The following ITGB3BP variants were observed in gnomAD, a reference collection of about 807,000 sequenced individuals.
ITGB3BP encodes the protein centromere protein R.
In ITGB3BP, 27 loss-of-function variants were observed where a neutral mutation model predicts 29.1. The ratio of observed to expected loss-of-function variants is 0.93; its 90% CI spans 0.68 to 1.28. The LOEUF is 1.28. Ranked by LOEUF, ITGB3BP falls within the 50% of genes most tolerant of loss-of-function variation. ITGB3BP has a pLI of 0.00. For synonymous variants in ITGB3BP, 61 were observed against 61.4 expected, an observed-to-expected ratio of 0.99 and a Z score of 0.03; for missense variants, 192 against 200.2, an observed-to-expected ratio of 0.96 and a Z score of 0.25.
intron 2 of ITGB3BP, among the ~76,000 whole-genome samples, chr1:63,491,677 T>A (rs761686597): frequency 2.6e-5 from 4 of 151,930 alleles, no homozygotes; most frequent in East Asian, 1.9e-4. Context: ...TCAAAAAAAA[T>A]TTTTTTACAG....
intron 2 of ITGB3BP, among the ~76,000 whole-genome samples, chr1:63,494,893 C>G (rs942960966): frequency 1.1e-4 from 16 of 152,192 alleles, no homozygotes; most frequent in Admixed American, 1.0e-3. Context: ...GCCTTGAACT[C>G]CTGGGCTCAA....
At chr1:63,448,229 A>G (rs1404606631) in intron 7 of ITGB3BP, among the ~76,000 whole-genome samples, 1 of 149,028 alleles carries the variant, frequency 6.7e-6, no homozygotes, top group African/African-American at 2.5e-5. Flanking sequence ...ACCTAATGCT[A>G]AATGACGAGT....
At chr1:63,477,553 C>T (rs1231401462) in intron 4 of ITGB3BP, among the ~76,000 whole-genome samples, 2 of 151,870 alleles carry the variant, frequency 1.3e-5, no homozygotes, top group Non-Finnish European at 2.9e-5. Context: ...ACTCCGTCTC[C>T]GAAAAAATAC....
intron 2 of ITGB3BP, among the ~76,000 whole-genome samples, chr1:63,496,232 A>G (rs1645785179): frequency 6.6e-6 from 1 of 152,014 alleles, no homozygotes; most frequent in Non-Finnish European, 1.5e-5. Context: ...AATTGGGACG[A>G]CAGGTGCGCA....
At chr1:63,523,761 T>G (rs1174299239), upstream of ITGB3BP, 2 of 153,420 alleles carry the variant, frequency 1.3e-5, no homozygotes, top group Non-Finnish European at 2.9e-5. Context: ...ACCTAAAATG[T>G]ACATGTAAAT....
At chr1:63,447,535 A>G in intron 7 of ITGB3BP, 2 of 469,714 alleles carry the variant, frequency 4.3e-6, no homozygotes, top group Admixed American at 2.3e-5. Context: ...GTGTTGTGGG[A>G]GCCTCAAAGA....
At chr1:63,506,240 G>A (rs902617631) in intron 2 of ITGB3BP, among the ~76,000 whole-genome samples, 12 of 152,150 alleles carry the variant, frequency 7.9e-5, no homozygotes, top group Admixed American at 2.0e-4. Context: ...AGCTCTTCTT[G>A]TTGAATTGAT....
At chr1:63,478,558 T>G (rs1645381684) in intron 4 of ITGB3BP, among the ~76,000 whole-genome samples, 1 of 152,204 alleles carries the variant, frequency 6.6e-6, no homozygotes, top group South Asian at 2.1e-4. Context: ...TCAATGAGTA[T>G]TAAAATTAAG....
intron 4 of ITGB3BP, among the ~76,000 whole-genome samples, chr1:63,462,952 G>A (rs1390672139): frequency 6.6e-6 from 1 of 152,128 alleles, no homozygotes; most frequent in East Asian, 1.9e-4. Context: ...GAATGAGCTA[G>A]TGACTAAAAA....
At chr1:63,472,467 C>CTCTCCCT (rs1318598468) in intron 4 of ITGB3BP, among the ~76,000 whole-genome samples, 1 of 148,044 alleles carries the variant, frequency 6.8e-6, no homozygotes, top group African/African-American at 2.5e-5. Context: ...CCCCTCTCCC[C>CTCTCCCT]TCTCCCCTCT....
rs531345870 is a variant in ITGB3BP at position 63,475,039 on chromosome 1, A to G, written c.254+3725T>C. On this transcript the variant is annotated intron_variant, in intron 4 of 8. Coordinates refer to ENST00000271002, the MANE Select transcript of ITGB3BP (RefSeq NM_014288.5). ...GCTTAGGCTGGAGAGTAGTGACATT[A>G]TCACAGCTCACTGCACCCTCAACCT... Among the ~76,000 whole-genome samples, 667 of 152,290 alleles carry G rather than the reference A, an allele frequency of 4.4e-3. 4 individuals carry two copies. Among genetic ancestry groups the G allele is most frequent in the African/African-American group, 0.015 (613 of 41,564 alleles).
At chr1:63,523,459 C>A (rs962503841), upstream of ITGB3BP, 11 of 428,898 alleles carry the variant, frequency 2.6e-5, no homozygotes, top group Non-Finnish European at 4.3e-5. Flanking sequence ...ATCAGCGCTT[C>A]CTAGATTTCT....
At chr1:63,446,118 C>T (rs1319957572) in intron 8 of ITGB3BP, among the ~76,000 whole-genome samples, 2 of 151,748 alleles carry the variant, frequency 1.3e-5, no homozygotes, top group Admixed American at 6.6e-5. Flanking sequence ...AGGCTGGTCT[C>T]GAACTCCTGA....
intron 1 of ITGB3BP, among the ~76,000 whole-genome samples, chr1:63,518,131 G>A (rs905192123): frequency 4.6e-5 from 7 of 152,046 alleles, no homozygotes; most frequent in Admixed American, 2.0e-4. Flanking sequence ...AAAAGTTTTC[G>A]ATACTAAATA....
chr1:63,510,859 T>C (rs9436684), intron 1 of ITGB3BP, among the ~76,000 whole-genome samples: 51,432 of 151,962 alleles, frequency 0.34, 8,934 homozygotes, highest in East Asian at 0.48. Context: ...AACCACTCTT[T>C]TACAACACAA....
chr1:63,491,931 T>C (rs2100685261), intron 2 of ITGB3BP, among the ~76,000 whole-genome samples: 1 of 141,620 alleles, frequency 7.1e-6, no homozygotes, highest in East Asian at 2.1e-4. Context: ...ATGTATTCAG[T>C]CATAAACTAT....
chr1:63,518,000 G>A (rs563764737), intron 1 of ITGB3BP, among the ~76,000 whole-genome samples: 1 of 152,170 alleles, frequency 6.6e-6, no homozygotes, highest in Admixed American at 6.5e-5. Flanking sequence ...TGGGATTACC[G>A]GCATGAGCCA....
chr1:63,478,692 A>C, intron 4 of ITGB3BP, 72 bp downstream of exon 4: 1 of 722,240 alleles, frequency 1.4e-6, no homozygotes, highest in Non-Finnish European at 2.3e-6. Flanking sequence ...ATGCTTTTAA[A>C]CGGTCACTTT....
At chr1:63,498,736 A>G (rs896962035) in intron 2 of ITGB3BP, among the ~76,000 whole-genome samples, 1 of 152,038 alleles carries the variant, frequency 6.6e-6, no homozygotes, top group Non-Finnish European at 1.5e-5. Context: ...TGGAGAAAAA[A>G]CAACAGATAT....
Sources: allele counts gnomAD v4.1 joint callset (sites outside exome capture counted in the v4.1 genomes callset), GRCh38; gene constraint gnomAD v4.1.1; transcripts MANE v1.5; gene names NCBI Gene and HGNC (gene_info 2026-07-23, HGNC 2026-07-21).